LEMD3: variants seen among roughly 807,000 people sequenced by gnomAD.
LEMD3 encodes the protein inner nuclear membrane protein Man1.
A neutral mutation model predicts 95.2 loss-of-function variants in LEMD3; 33 were observed. The ratio of observed to expected loss-of-function variants is 0.35; its 90% CI spans 0.26 to 0.46. The LOEUF (loss-of-function observed/expected upper bound fraction) is 0.46, where lower values mean the gene tolerates loss of function less well. LEMD3 is among the 20% of genes least tolerant of loss of function. The pLI, the probability that LEMD3 is intolerant of heterozygous loss-of-function variation, is 1.00. For missense variants in LEMD3, 1,210 were observed against 1,192.8 expected (o/e 1.01, Z -0.21); for synonymous variants, 525 against 474.6 (o/e 1.11, Z -1.38).
At position 65,246,285 on chromosome 12, in the gene LEMD3, G is replaced by A. The variant is rs761501582; in HGVS notation, c.2696G>A (p.Arg899His). 8.7e-6 allele frequency: 14 copies of A among 1,613,512 alleles called. No homozygotes were observed. The highest frequency in any genetic ancestry group is 5.5e-5 in the South Asian group (5 of 91,074). ...CATATGAACTCCATGTCTCATCTTCGTCTTCGGACTGGCCTAACCAATTCT... is the reference window on the plus strand; with the variant it reads ...CATATGAACTCCATGTCTCATCTTCATCTTCGGACTGGCCTAACCAATTCT... ...NKHMNSMSHL[R>H]LRTGLTNSQG... Residue 899 changes from arginine (R) to histidine (H), a missense_variant, in exon 13 of 13, where the codon CGT becomes CAT. Arg to His is a conservative substitution (Grantham distance 29, BLOSUM62 0). Around this residue, in one of 2 missense-constraint regions of LEMD3, gnomAD observed 461 missense variants for 569.8 expected, o/e 0.81. Transcript: ENST00000308330.
intron 1 of LEMD3, among the ~76,000 whole-genome samples, chr12:65,208,966 C>G (rs542025759): frequency 1.3e-5 from 2 of 152,140 alleles, no homozygotes; most frequent in Non-Finnish European, 2.9e-5. Flanking sequence ...CTCTGTTACC[C>G]TATCCCTCTC....
At chr12:65,172,179 T>C (rs1196578347) in intron 1 of LEMD3, among the ~76,000 whole-genome samples, 2 of 152,162 alleles carry the variant, frequency 1.3e-5, no homozygotes, top group Non-Finnish European at 2.9e-5. Flanking sequence ...TCCTAATCTA[T>C]AAGATGAGGC....
intron 1 of LEMD3, among the ~76,000 whole-genome samples, chr12:65,190,628 G>A (rs575778335): frequency 7.2e-5 from 11 of 152,142 alleles, no homozygotes; most frequent in Non-Finnish European, 1.5e-4. Flanking sequence ...TACATGTTTC[G>A]ATTGATGTAT....
At chr12:65,174,358 GCAAT>G (rs1485671692) in intron 1 of LEMD3, among the ~76,000 whole-genome samples, 1 of 152,116 alleles carries the variant, frequency 6.6e-6, no homozygotes, top group African/African-American at 2.4e-5. Context: ...GGATCAACCT[GCAAT>G]CAGAGTAGTC....
intron 12 of LEMD3, 44 bp from the exon 13 acceptor site, chr12:65,246,118 A>T (rs1871096777): frequency 1.4e-6 from 2 of 1,480,026 alleles, no homozygotes; most frequent in African/African-American, 1.4e-5. Flanking sequence ...TGCAAATATT[A>T]AACAGTTTTA....
intron 2 of LEMD3, among the ~76,000 whole-genome samples, chr12:65,215,120 CT>C (rs1870062910): frequency 6.6e-6 from 1 of 152,200 alleles, no homozygotes; most frequent in African/African-American, 2.4e-5. Flanking sequence ...TACTAAACAA[CT>C]TTTCTAGTAG....
At chr12:65,240,466 A>G in intron 8 of LEMD3, 1 of 517,946 alleles carries the variant, frequency 1.9e-6, no homozygotes, top group Non-Finnish European at 3.4e-6. Flanking sequence ...ATTCCTAGGC[A>G]TTCTTGATTC....
At chr12:65,218,351 C>G (rs1870172225) in intron 3 of LEMD3, among the ~76,000 whole-genome samples, 1 of 151,944 alleles carries the variant, frequency 6.6e-6, no homozygotes. Flanking sequence ...TGTTTATATT[C>G]TTACTGGAAT....
At chr12:65,191,443 A>T (rs1256056477) in intron 1 of LEMD3, among the ~76,000 whole-genome samples, 1 of 152,020 alleles carries the variant, frequency 6.6e-6, no homozygotes, top group Non-Finnish European at 1.5e-5. Flanking sequence ...TTTCTAGAAC[A>T]CTCAGTAACA....
intron 9 of LEMD3, among the ~76,000 whole-genome samples, chr12:65,241,321 T>C (rs775682814): frequency 5.3e-5 from 8 of 152,038 alleles, no homozygotes; most frequent in Non-Finnish European, 1.2e-4. Context: ...AATCTTGCCT[T>C]TTTCACTTAA....
chr12:65,192,666 T>A (rs949787426), intron 1 of LEMD3, among the ~76,000 whole-genome samples: 5 of 152,192 alleles, frequency 3.3e-5, no homozygotes, highest in Admixed American at 2.6e-4. Context: ...TGCTTCTTCA[T>A]GGTACAGTTT....
rs188003832 is a variant in LEMD3 at position 65,191,220 on chromosome 12, T to G, written c.1523-19706T>G. On this transcript the variant is annotated intron_variant, in intron 1 of 12. Coordinates refer to ENST00000308330, the MANE Select transcript of LEMD3 (RefSeq NM_014319.5). ...GAATCTCCTTGAAGACGAAACACTTTAGGATTATAGTTGCTTGCAAAAGCT... is the reference window on the plus strand; with the variant it reads ...GAATCTCCTTGAAGACGAAACACTTGAGGATTATAGTTGCTTGCAAAAGCT... 2.0e-4 allele frequency among the ~76,000 whole-genome samples: 31 copies of G among 152,182 alleles called. 1 individual carries two copies. Among genetic ancestry groups the G allele is most frequent in the Admixed American group, 1.9e-3 (29 of 15,270 alleles).
At position 65,176,086 on chromosome 12, in the gene LEMD3, C is replaced by A. The variant is rs868601358; in HGVS notation, c.1522+4968C>A. ...GGTTAGTCTCTTGCCTGAACTCTTT[C>A]AGTAACCTAAAATGGTGTCCCTGCT... On this transcript the variant is annotated intron_variant, in intron 1 of 12. Coordinates refer to ENST00000308330, the MANE Select transcript of LEMD3 (RefSeq NM_014319.5). 2.6e-5 allele frequency among the ~76,000 whole-genome samples: 4 copies of A among 152,320 alleles called. No individual in the cohort carries two copies. In the South Asian group the frequency reaches 8.3e-4, roughly 32 times the overall value.
rs905818225 is a variant in LEMD3, at chr12:65,243,464, C to T, written c.2382C>T (p.Pro794=). The change falls in exon 10 of 13, where the codon CCC becomes CCT. Residue 794 remains proline, a synonymous_variant. Transcript: ENST00000308330. ...PCLKIRNMFD[P]VMEIGDQWHL... ...TAAAGATTCGGAATATGTTTGATCC[C>T]GTTATGTAAGTATTATGATCAGGGG... is the stretch of plus-strand genomic sequence containing the variant. 11 of 1,566,906 alleles carry T rather than the reference C, an allele frequency of 7.0e-6. No individual in the cohort carries two copies. Among genetic ancestry groups the T allele is most frequent in the South Asian group, 3.3e-5 (3 of 90,034 alleles).
chr12:65,219,253 A>G (rs1170078192), intron 4 of LEMD3, among the ~76,000 whole-genome samples: 2 of 152,230 alleles, frequency 1.3e-5, no homozygotes, highest in Non-Finnish European at 2.9e-5. Context: ...GTCCCACATC[A>G]GTTTCTTCTC....
intron 1 of LEMD3, among the ~76,000 whole-genome samples, chr12:65,203,568 T>C (rs1322674962): frequency 3.3e-5 from 5 of 152,176 alleles, no homozygotes; most frequent in Non-Finnish European, 7.4e-5. Flanking sequence ...ATGTGGTCTG[T>C]CTTGGTGAAC....
chr12:65,201,709 T>C (rs561688955), intron 1 of LEMD3, among the ~76,000 whole-genome samples: 1 of 152,274 alleles, frequency 6.6e-6, no homozygotes, highest in Admixed American at 6.5e-5. Context: ...TTTCTACATA[T>C]ATTGTCATAT....
intron 4 of LEMD3, among the ~76,000 whole-genome samples, chr12:65,218,869 A>G (rs1305859858): frequency 2.7e-5 from 4 of 150,714 alleles, no homozygotes; most frequent in Non-Finnish European, 5.9e-5. Flanking sequence ...ACTCACTGCA[A>G]CGTTCGCAAC....
intron 4 of LEMD3, among the ~76,000 whole-genome samples, chr12:65,226,276 C>T (rs1870445791): frequency 1.3e-5 from 2 of 152,158 alleles, no homozygotes; most frequent in African/African-American, 4.8e-5. Flanking sequence ...CTCTCTATTG[C>T]ACTGCCCTGT....
Sources: gnomAD v4.1 joint callset for allele counts (sites outside exome capture counted in the v4.1 genomes callset) on GRCh38, gnomAD v4.1.1 for gene constraint, gnomAD v4.1.1 regional missense constraint, MANE v1.5 for transcripts, NCBI Gene and HGNC (gene_info 2026-07-23, HGNC 2026-07-21) for gene names.